The following CTNNA3 variants were observed in gnomAD, a reference collection of about 807,000 sequenced individuals.
The protein encoded by CTNNA3 is catenin alpha 3.
A neutral mutation model predicts 95.7 loss-of-function variants in CTNNA3; 76 were observed. That is an observed-to-expected ratio of 0.79 (90% CI 0.66 to 0.96). The LOEUF (loss-of-function observed/expected upper bound fraction) is 0.96, where lower values mean the gene tolerates loss of function less well. CTNNA3 is among the 40% of genes least tolerant of loss of function. The probability of loss-of-function intolerance (pLI) is 0.00; values close to 1 mark genes in which losing one functional copy is unlikely to be tolerated. For synonymous variants in CTNNA3, 431 were observed against 374.4 expected (o/e 1.15, Z -1.74); for missense variants, 1,191 against 1,089.8 (o/e 1.09, Z -1.31).
chr10:66,418,727 A>G (rs2093166936), intron 11 of CTNNA3, among the ~76,000 whole-genome samples: 1 of 152,140 alleles, frequency 6.6e-6, no homozygotes, highest in South Asian at 2.1e-4. Context: ...TGTTCAAGAT[A>G]TGCAAATCAA....
intron 10 of CTNNA3, among the ~76,000 whole-genome samples, chr10:66,594,618 T>C (rs143909455): frequency 4.6e-5 from 7 of 152,326 alleles, no homozygotes; most frequent in African/African-American, 1.4e-4. Context: ...ACACGGTTTT[T>C]TCCTTTATGC....
intron 13 of CTNNA3, among the ~76,000 whole-genome samples, chr10:66,271,228 A>C (rs2132130588): frequency 6.6e-6 from 1 of 152,320 alleles, no homozygotes; most frequent in South Asian, 2.1e-4. Context: ...CTGGAGTTAT[A>C]AAATTCCCAG....
intron 7 of CTNNA3, among the ~76,000 whole-genome samples, chr10:67,083,718 T>G (rs1477119461): frequency 6.6e-6 from 1 of 152,112 alleles, no homozygotes; most frequent in African/African-American, 2.4e-5. Flanking sequence ...TTCATGTCCC[T>G]TAATAAATAA....
At position 67,499,706 on chromosome 10, in the gene CTNNA3, T is replaced by C. The variant is rs566873014; in HGVS notation, c.579+22136A>G. On this transcript the variant is annotated intron_variant, in intron 5 of 17. Transcript: ENST00000433211. ...ATTTATCCATTTCTTCGAGATTTTCTAGTTTATTTGTGTAGAGGGGTTTAT... is the reference window on the plus strand; with the variant it reads ...ATTTATCCATTTCTTCGAGATTTTCCAGTTTATTTGTGTAGAGGGGTTTAT... Among the ~76,000 whole-genome samples the C allele has an allele frequency of 5.9e-5, 9 of 152,366 alleles. No individual in the cohort carries two copies. In the East Asian group the frequency reaches 1.7e-3, roughly 29 times the overall value.
At chr10:66,627,318 TGTCAATCAAGGATCCTG>T (rs904844988) in intron 9 of CTNNA3, among the ~76,000 whole-genome samples, 2 of 152,154 alleles carry the variant, frequency 1.3e-5, no homozygotes, top group Non-Finnish European at 2.9e-5. Context: ...TTGGTACGAC[TGTCAATCAAGGATCCTG>T]GTCCTCCCCT....
At chr10:67,263,843 C>T (rs759198608) in intron 5 of CTNNA3, among the ~76,000 whole-genome samples, 2 of 152,082 alleles carry the variant, frequency 1.3e-5, no homozygotes, top group Non-Finnish European at 2.9e-5. Context: ...ACACCTACCC[C>T]TGGGAACGAG....
At chr10:67,093,309 T>C (rs1857767980) in intron 7 of CTNNA3, among the ~76,000 whole-genome samples, 1 of 151,950 alleles carries the variant, frequency 6.6e-6, no homozygotes, top group African/African-American at 2.4e-5. Flanking sequence ...ATAATGTATT[T>C]GGGTAACCTT....
chr10:67,461,548 C>T lies in CTNNA3; in HGVS notation c.579+60294G>A, dbSNP rs10997649. ...ACACTTAGGACAATCTCACTATTTG[C>T]AATTTTCTGAATCACCAAAAAGAAA... On this transcript the variant is annotated intron_variant, in intron 5 of 17. Coordinates refer to ENST00000433211, the MANE Select transcript of CTNNA3 (RefSeq NM_013266.4). 9.6e-3 allele frequency among the ~76,000 whole-genome samples: 1,457 copies of T among 152,154 alleles called. 10 individuals carry two copies. Among genetic ancestry groups the T allele is most frequent in the Non-Finnish European group, 0.015 (988 of 67,994 alleles).
intron 9 of CTNNA3, among the ~76,000 whole-genome samples, chr10:66,656,201 G>A (rs1846068969): frequency 6.6e-6 from 1 of 152,104 alleles, no homozygotes; most frequent in Non-Finnish European, 1.5e-5. Context: ...GAGCAGGACA[G>A]CAAAGGATCT....
At chr10:66,247,691 C>A (rs947894045) in intron 13 of CTNNA3, among the ~76,000 whole-genome samples, 3 of 152,140 alleles carry the variant, frequency 2.0e-5, no homozygotes, top group African/African-American at 7.2e-5. Context: ...AGTGGCATGA[C>A]ATATTTAAAG....
intron 16 of CTNNA3, among the ~76,000 whole-genome samples, chr10:65,977,504 G>C (rs1461409459): frequency 2.0e-5 from 3 of 152,128 alleles, no homozygotes; most frequent in Admixed American, 2.0e-4. Context: ...TTTGCAGCCA[G>C]GTGCGGTGGC....
chr10:66,777,697 T>C (rs1840359904), intron 7 of CTNNA3, among the ~76,000 whole-genome samples: 1 of 151,776 alleles, frequency 6.6e-6, no homozygotes, highest in African/African-American at 2.4e-5. Context: ...GTTGTATCGC[T>C]TTCCACTTCA....
intron 13 of CTNNA3, among the ~76,000 whole-genome samples, chr10:66,115,028 C>T (rs1001023856): frequency 4.0e-5 from 6 of 151,850 alleles, no homozygotes; most frequent in Non-Finnish European, 8.8e-5. Context: ...TATCTTTTAT[C>T]ATAAGGAAAA....
At chr10:67,194,374 C>T (rs1863254386) in intron 6 of CTNNA3, among the ~76,000 whole-genome samples, 3 of 151,874 alleles carry the variant, frequency 2.0e-5, no homozygotes, top group African/African-American at 4.8e-5. Context: ...GAATATTACT[C>T]AGCACTAAAA....
intron 3 of CTNNA3, among the ~76,000 whole-genome samples, chr10:67,597,998 C>A (rs1313865078): frequency 3.3e-5 from 5 of 152,132 alleles, no homozygotes; most frequent in Non-Finnish European, 5.9e-5. Context: ...GGCTGTACTG[C>A]AAGTGGATGC....
chr10:67,003,691 G>A (rs1349001429), intron 7 of CTNNA3, among the ~76,000 whole-genome samples: 1 of 152,156 alleles, frequency 6.6e-6, no homozygotes, highest in Non-Finnish European at 1.5e-5. Context: ...ATATTTGGGT[G>A]TCCCTGTCTT....
intron 17 of CTNNA3, among the ~76,000 whole-genome samples, chr10:65,939,999 A>C (rs1391769880): frequency 1.3e-5 from 2 of 152,218 alleles, no homozygotes; most frequent in Admixed American, 6.5e-5. Flanking sequence ...CTCTTAATCA[A>C]ATCAATGTAT....
At chr10:66,858,988 A>G (rs1843795311) in intron 7 of CTNNA3, among the ~76,000 whole-genome samples, 1 of 152,028 alleles carries the variant, frequency 6.6e-6, no homozygotes, top group Non-Finnish European at 1.5e-5. Flanking sequence ...ATATATAGAG[A>G]TCTTTTAAAA....
At chr10:67,101,914 T>A (rs1437991284) in intron 7 of CTNNA3, among the ~76,000 whole-genome samples, 1 of 151,458 alleles carries the variant, frequency 6.6e-6, no homozygotes, top group African/African-American at 2.4e-5. Flanking sequence ...GTTATTCAAC[T>A]GTATAAAAGA....
Sources: allele counts gnomAD v4.1 joint callset (sites outside exome capture counted in the v4.1 genomes callset), GRCh38; gene constraint gnomAD v4.1.1; transcripts MANE v1.5; gene names NCBI Gene and HGNC (gene_info 2026-07-23, HGNC 2026-07-21).